The following RTN1 variants were observed in gnomAD, a reference collection of about 807,000 sequenced individuals.
The protein encoded by RTN1 is reticulon-1.
Under a neutral mutation model 65.5 loss-of-function variants are expected in RTN1, and 25 were observed. That is an observed-to-expected ratio of 0.38 (90% confidence interval 0.28 to 0.53). The LOEUF is 0.53. Ranked by LOEUF, RTN1 falls within the 20% of genes least tolerant of loss-of-function variation. The probability of loss-of-function intolerance (pLI) is 0.79; values close to 1 mark genes in which losing one functional copy is unlikely to be tolerated. For synonymous variants in RTN1, 471 were observed against 447.6 expected, an observed-to-expected ratio of 1.05 and a Z score of -0.66; for missense variants, 983 against 1,025.4, an observed-to-expected ratio of 0.96 and a Z score of 0.57.
At chr14:59,652,953 G>A (rs1192584703) in intron 3 of RTN1, among the ~76,000 whole-genome samples, 1 of 151,932 alleles carries the variant, frequency 6.6e-6, no homozygotes, top group East Asian at 1.9e-4. Context: ...ATTAATGTAG[G>A]TATAATAGGA....
chr14:59,848,997 G>A (rs975060946), intron 1 of RTN1, among the ~76,000 whole-genome samples: 1 of 152,000 alleles, frequency 6.6e-6, no homozygotes, highest in Non-Finnish European at 1.5e-5. Context: ...ATGCACATTT[G>A]TTACCAGCTA....
intron 1 of RTN1, among the ~76,000 whole-genome samples, chr14:59,826,401 T>G (rs1044476405): frequency 6.6e-6 from 1 of 152,218 alleles, no homozygotes; most frequent in Admixed American, 6.5e-5. Flanking sequence ...AAGCACTCCA[T>G]ACCTGTTAAT....
At chr14:59,691,015 C>T (rs1883949616) in intron 3 of RTN1, among the ~76,000 whole-genome samples, 2 of 152,046 alleles carry the variant, frequency 1.3e-5, no homozygotes, top group African/African-American at 2.4e-5. Flanking sequence ...TCTAATATCC[C>T]ACCTACAGGA....
chr14:59,713,968 G>T (rs904758368), intron 3 of RTN1, among the ~76,000 whole-genome samples: 1 of 152,144 alleles, frequency 6.6e-6, no homozygotes, highest in African/African-American at 2.4e-5. Flanking sequence ...GGGTGCGGTG[G>T]GTCACGCCTG....
intron 3 of RTN1, among the ~76,000 whole-genome samples, chr14:59,662,150 A>G (rs974617307): frequency 6.8e-6 from 1 of 147,180 alleles, no homozygotes; most frequent in Admixed American, 6.7e-5. Flanking sequence ...AGTGAAATCC[A>G]GCTTTCTTTT....
intron 2 of RTN1, among the ~76,000 whole-genome samples, chr14:59,739,253 G>A (rs1885065437): frequency 6.6e-6 from 1 of 152,156 alleles, no homozygotes; most frequent in African/African-American, 2.4e-5. Flanking sequence ...AGGTGCAGTG[G>A]CTCATGCCTG....
At position 59,774,608 on chromosome 14, in the gene RTN1, A is replaced by G. The variant is rs548251582; in HGVS notation, c.242-28127T>C. 2.3e-3 allele frequency among the ~76,000 whole-genome samples: 351 copies of G among 152,312 alleles called. 4 individuals are homozygous for G. Among genetic ancestry groups the G allele is most frequent in the African/African-American group, 8.2e-3 (342 of 41,564 alleles). ...CCCTAAAAGCCTTAAATAAAAACAC[A>G]TGAAACCAATGAAATGTAAGTAATT... On this transcript the variant is annotated intron_variant, in intron 1 of 8. Coordinates refer to ENST00000267484, the MANE Select transcript of RTN1 (RefSeq NM_021136.3). This position sits in a 1 kb window ranked among gnomAD's most constrained non-coding sequence, Gnocchi z 5.1.
intron 3 of RTN1, among the ~76,000 whole-genome samples, chr14:59,649,560 TA>T (rs201508568): frequency 2.0e-5 from 3 of 149,812 alleles, no homozygotes; most frequent in Non-Finnish European, 4.5e-5. Context: ...AACAAATTTA[TA>T]AAAAAAAACC....
At chr14:59,810,342 G>A (rs183815300) in intron 1 of RTN1, among the ~76,000 whole-genome samples, 12 of 152,262 alleles carry the variant, frequency 7.9e-5, no homozygotes, top group East Asian at 3.9e-4. Flanking sequence ...TGTGTGCAGC[G>A]TCCATGTGGG....
intron 1 of RTN1, among the ~76,000 whole-genome samples, chr14:59,831,383 A>C (rs1887122156): frequency 6.6e-6 from 1 of 152,208 alleles, no homozygotes; most frequent in Non-Finnish European, 1.5e-5. Flanking sequence ...TCTTTTGCCT[A>C]ACTGCCTTTA....
intron 1 of RTN1, among the ~76,000 whole-genome samples, chr14:59,749,725 CTATATATT>C (rs369836480): frequency 0.01 from 250 of 24,984 alleles, 62 homozygotes; most frequent in African/African-American, 0.026. Context: ...ATTTATATAT[CTATATATT>C]TATATATATA....
intron 1 of RTN1, among the ~76,000 whole-genome samples, chr14:59,805,909 G>C (rs1169131512): frequency 6.6e-6 from 1 of 152,106 alleles, no homozygotes; most frequent in African/African-American, 2.4e-5. Flanking sequence ...TGGGACCAGA[G>C]GATGTCTCTT....
At chr14:59,610,580 C>CTCCA (rs1881916821) in intron 3 of RTN1, among the ~76,000 whole-genome samples, 1 of 152,206 alleles carries the variant, frequency 6.6e-6, no homozygotes, top group Non-Finnish European at 1.5e-5. Flanking sequence ...AATTAACTAA[C>CTCCA]TCTTGCTTCT....
At chr14:59,659,920 GC>G (rs989022504) in intron 3 of RTN1, among the ~76,000 whole-genome samples, 1 of 152,000 alleles carries the variant, frequency 6.6e-6, no homozygotes, top group African/African-American at 2.4e-5. Context: ...TGGGCTAAAT[GC>G]CCCAATTAAA....
chr14:59,716,986 CAAAA>C (rs67370818), intron 3 of RTN1, among the ~76,000 whole-genome samples: 2 of 119,568 alleles, frequency 1.7e-5, no homozygotes, highest in African/African-American at 5.3e-5. Context: ...AACAAACAAA[CAAAA>C]AAAAAAAAAA....
chr14:59,852,884 C>G (rs1296090360), intron 1 of RTN1, among the ~76,000 whole-genome samples: 1 of 152,150 alleles, frequency 6.6e-6, no homozygotes, highest in African/African-American at 2.4e-5. Context: ...TGTTATTTTA[C>G]TGAATTTATT....
intron 3 of RTN1, among the ~76,000 whole-genome samples, chr14:59,651,295 C>T (rs1450881145): frequency 6.6e-6 from 1 of 152,054 alleles, no homozygotes; most frequent in South Asian, 2.1e-4. Context: ...GAAAGGATGC[C>T]CTATTCAATA....
At chr14:59,736,924 T>C (rs1404901742) in intron 2 of RTN1, among the ~76,000 whole-genome samples, 2 of 152,226 alleles carry the variant, frequency 1.3e-5, no homozygotes, top group East Asian at 1.9e-4. Context: ...CACATGATTA[T>C]CTCAATAGAT....
intron 3 of RTN1, among the ~76,000 whole-genome samples, chr14:59,676,778 C>G (rs992937590): frequency 6.6e-6 from 1 of 152,140 alleles, no homozygotes; most frequent in Non-Finnish European, 1.5e-5. Context: ...TGCACTTTAA[C>G]GGGTTTCTAA....
Sources: gnomAD v4.1 joint callset for allele counts (sites outside exome capture counted in the v4.1 genomes callset) on GRCh38, gnomAD v4.1.1 for gene constraint, Gnocchi (gnomAD v3.1) non-coding constraint, MANE v1.5 for transcripts, NCBI Gene and HGNC (gene_info 2026-07-23, HGNC 2026-07-21) for gene names.